PLCB4: variants seen among roughly 807,000 people sequenced by gnomAD.
PLCB4 encodes the protein phospholipase C beta 4.
Under a neutral mutation model 178.8 loss-of-function variants are expected in PLCB4, and 77 were observed. That is an observed-to-expected ratio of 0.43 (90% CI 0.36 to 0.52). The LOEUF is 0.52. PLCB4 is among the 20% of genes least tolerant of loss of function. The probability of loss-of-function intolerance (pLI) is 0.00; values close to 1 mark genes in which losing one functional copy is unlikely to be tolerated. For missense variants in PLCB4, 1,024 were observed against 1,453.4 expected, an observed-to-expected ratio of 0.70 and a Z score of 4.80; for synonymous variants, 496 against 490.8, an observed-to-expected ratio of 1.01 and a Z score of -0.14.
intron 2 of PLCB4, among the ~76,000 whole-genome samples, chr20:9,187,782 T>C (rs2093349225): frequency 6.6e-6 from 1 of 152,224 alleles, no homozygotes; most frequent in Admixed American, 6.5e-5. Context: ...CATCCTATAG[T>C]TTAACCCTTC....
At chr20:9,324,240 A>G (rs952310394) in intron 4 of PLCB4, among the ~76,000 whole-genome samples, 21 of 151,992 alleles carry the variant, frequency 1.4e-4, no homozygotes, top group African/African-American at 4.8e-4. Context: ...CGCCTGGCCA[A>G]CATGGTGAAA....
chr20:9,247,929 C>T (rs2147462388), intron 3 of PLCB4, among the ~76,000 whole-genome samples: 1 of 152,172 alleles, frequency 6.6e-6, no homozygotes, highest in Non-Finnish European at 1.5e-5. Flanking sequence ...AAACATTTTT[C>T]TTTCAAATTT....
chr20:9,455,439 G>T (rs1353919182), intron 33 of PLCB4, among the ~76,000 whole-genome samples: 2 of 152,080 alleles, frequency 1.3e-5, no homozygotes, highest in Non-Finnish European at 2.9e-5. Flanking sequence ...TTAAAAAATT[G>T]ATAAAATATA....
chr20:9,249,709 C>T (rs1325062004), intron 3 of PLCB4, among the ~76,000 whole-genome samples: 1 of 152,072 alleles, frequency 6.6e-6, no homozygotes, highest in Admixed American at 6.6e-5. Flanking sequence ...TATCATTCTG[C>T]CTATCACATC....
chr20:9,350,005 T>C (rs2034182896), intron 7 of PLCB4, among the ~76,000 whole-genome samples: 1 of 152,172 alleles, frequency 6.6e-6, no homozygotes, highest in Non-Finnish European at 1.5e-5. Context: ...GCCTCCAAGC[T>C]CTATGATCTG....
chr20:9,387,170 C>A (rs1416148247), intron 14 of PLCB4, among the ~76,000 whole-genome samples: 1 of 152,160 alleles, frequency 6.6e-6, no homozygotes, highest in East Asian at 1.9e-4. Context: ...GCCCGGCCCC[C>A]AAATTGTCCT....
intron 30 of PLCB4, among the ~76,000 whole-genome samples, chr20:9,439,478 A>C (rs1477802490): frequency 6.6e-6 from 1 of 152,210 alleles, no homozygotes; most frequent in Admixed American, 6.5e-5. Flanking sequence ...AATAGTGGTC[A>C]TTTTTGTAGT....
chr20:9,444,257 C>T lies in PLCB4; in HGVS notation c.2880+14C>T. 3 of 1,517,708 alleles carry T rather than the reference C, an allele frequency of 2.0e-6. No individual in the cohort carries two copies. Among genetic ancestry groups the T allele is most frequent in the South Asian group, 1.1e-5 (1 of 87,182 alleles). The allele number at this position is 1,517,708 out of a possible 1,614,324, so 94.0% of individuals were successfully genotyped here. ...AAACATGCAAAGGTACAGTGCTCTACAGCTACTATTTTGTGTTATGTATGG... is the reference window on the plus strand; with the variant it reads ...AAACATGCAAAGGTACAGTGCTCTATAGCTACTATTTTGTGTTATGTATGG... On this transcript the variant is annotated intron_variant, in intron 32 of 39. Transcript: ENST00000378473.
chr20:9,420,535 G>C (rs913034345), intron 26 of PLCB4, among the ~76,000 whole-genome samples: 1 of 151,930 alleles, frequency 6.6e-6, no homozygotes, highest in Non-Finnish European at 1.5e-5. Flanking sequence ...TACCATGTTG[G>C]CCAGGCTGTT....
rs1382379541 is a variant in PLCB4, at chr20:9,380,102, G to T, written c.793G>T (p.Ala265Ser). The T allele has an allele frequency of 2.5e-6, 4 of 1,597,562 alleles. No homozygotes were observed. The highest frequency in any genetic ancestry group is 3.4e-6 in the Non-Finnish European group (4 of 1,169,828). ...LNEILFPFYD[A>S]KRAMQIIEMY... ...TGAAATTTTATTTCCATTTTATGAT[G>T]CCAAAAGGGCAATGCAGATCATTGA... Residue 265 changes from alanine (A) to serine (S), a missense_variant, in exon 13 of 40, where the codon GCC (alanine) becomes TCC (serine). Coordinates refer to ENST00000378473, the MANE Select transcript of PLCB4 (RefSeq NM_001377142.1).
intron 1 of PLCB4, among the ~76,000 whole-genome samples, chr20:9,076,277 G>A (rs540421385): frequency 1.3e-5 from 2 of 152,170 alleles, no homozygotes; most frequent in South Asian, 4.1e-4. Flanking sequence ...GACTAGCCTG[G>A]CCAACATGGC....
chr20:9,083,673 C>T (rs891111217), intron 1 of PLCB4, among the ~76,000 whole-genome samples: 2 of 152,130 alleles, frequency 1.3e-5, no homozygotes, highest in Admixed American at 6.5e-5. Flanking sequence ...ACAGCACTTA[C>T]TGAGGGTCAC....
chr20:9,458,744 A>T (rs1186149993), intron 34 of PLCB4, among the ~76,000 whole-genome samples: 6 of 152,090 alleles, frequency 3.9e-5, no homozygotes. Context: ...TGCTTGCATC[A>T]CATTTGCTAC....
intron 3 of PLCB4, among the ~76,000 whole-genome samples, chr20:9,230,388 A>G (rs1205694672): frequency 6.6e-6 from 1 of 152,138 alleles, no homozygotes; most frequent in Non-Finnish European, 1.5e-5. Context: ...AAAGGAGAAC[A>G]TAGGTAAAGC....
rs140577163 is a variant in PLCB4, at chr20:9,190,679, C to T, written c.-78-26711C>T. On this transcript the variant is annotated intron_variant, in intron 2 of 39. Transcript: ENST00000378473. ...ATAAAGAAGGAGTCAAAAATAACTA[C>T]GAGGATGTGGGCCTGGGCAGGGAGG... Among the ~76,000 whole-genome samples the T allele has an allele frequency of 2.0e-3, 309 of 152,226 alleles. 2 individuals are homozygous for T. The highest frequency in any genetic ancestry group is 6.7e-3 in the African/African-American group (279 of 41,544).
At chr20:9,343,821 T>C (rs1313535436) in intron 7 of PLCB4, among the ~76,000 whole-genome samples, 1 of 152,214 alleles carries the variant, frequency 6.6e-6, no homozygotes, top group Non-Finnish European at 1.5e-5. Context: ...GCAGAGACCA[T>C]GAACACCTTC....
chr20:9,261,095 C>T (rs2094292851), intron 3 of PLCB4, among the ~76,000 whole-genome samples: 1 of 152,078 alleles, frequency 6.6e-6, no homozygotes, highest in Non-Finnish European at 1.5e-5. Flanking sequence ...ACCAGTCTTC[C>T]TCCAGTGTGC....
At chr20:9,069,588 T>C (rs1264587039) in intron 1 of PLCB4, among the ~76,000 whole-genome samples, 1 of 152,172 alleles carries the variant, frequency 6.6e-6, no homozygotes, top group Non-Finnish European at 1.5e-5. Context: ...ATCATAGAAA[T>C]GATTGACCGT....
intron 3 of PLCB4, among the ~76,000 whole-genome samples, chr20:9,305,887 C>A (rs2094759788): frequency 6.6e-6 from 1 of 152,172 alleles, no homozygotes; most frequent in South Asian, 2.1e-4. Context: ...CTTATCTTTT[C>A]TCTTCCTGCA....
Sources: allele counts gnomAD v4.1 joint callset (sites outside exome capture counted in the v4.1 genomes callset), GRCh38; gene constraint gnomAD v4.1.1; transcripts MANE v1.5; gene names NCBI Gene and HGNC (gene_info 2026-07-23, HGNC 2026-07-21).